Variants in CASD1 observed in about 807,000 individuals in gnomAD.
The protein encoded by CASD1 is N-acetylneuraminate (7)9-O-acetyltransferase.
CASD1 carries 41 observed loss-of-function variants against 100.0 expected under a neutral mutation model. That is an observed-to-expected ratio of 0.41 (90% CI 0.32 to 0.53). The LOEUF (loss-of-function observed/expected upper bound fraction) is 0.53, where lower values mean the gene tolerates loss of function less well. CASD1 is among the 20% of genes least tolerant of loss of function. The pLI, the probability that CASD1 is intolerant of heterozygous loss-of-function variation, is 0.25. For missense variants in CASD1, 774 were observed against 948.7 expected (o/e 0.82, Z 2.42); for synonymous variants, 321 against 315.6 (o/e 1.02, Z -0.18).
At chr7:94,598,742 T>C in the CASD1 span, 15 of 1,363,776 alleles carry the variant, frequency 1.1e-5, no homozygotes, top group African/African-American at 2.0e-4. Flanking sequence ...TATACATGCA[T>C]ATTAATAATT....
chr7:94,575,469 T>G, the CASD1 span, among the ~76,000 whole-genome samples: 1 of 152,216 alleles, frequency 6.6e-6, no homozygotes, highest in Non-Finnish European at 1.5e-5. Context: ...TGTTCAATTA[T>G]ATGGTCAATT....
At chr7:94,543,295 T>A (rs1012539618) in intron 10 of CASD1, among the ~76,000 whole-genome samples, 1 of 152,160 alleles carries the variant, frequency 6.6e-6, no homozygotes, top group Non-Finnish European at 1.5e-5. Flanking sequence ...TCAGGACTTA[T>A]AAAATCTATT....
chr7:94,598,706 C>G, the CASD1 span: 1 of 1,073,094 alleles, frequency 9.3e-7, no homozygotes, highest in Non-Finnish European at 1.5e-6. Context: ...ACAGAAAGCT[C>G]TGTTCTTTAC....
At chr7:94,511,052 CAGT>C (rs1793682254) in intron 1 of CASD1, among the ~76,000 whole-genome samples, 1 of 152,200 alleles carries the variant, frequency 6.6e-6, no homozygotes, top group Non-Finnish European at 1.5e-5. Context: ...AATTATCTTT[CAGT>C]AATCAAGGGA....
chr7:94,623,002 G>A, the CASD1 span, among the ~76,000 whole-genome samples: 5 of 152,088 alleles, frequency 3.3e-5, no homozygotes, highest in Non-Finnish European at 5.9e-5. Context: ...GGAGTGCAGT[G>A]CTCCAGCCTT....
chr7:94,599,941 T>G, the CASD1 span: 3 of 408,730 alleles, frequency 7.3e-6, no homozygotes, highest in Non-Finnish European at 1.3e-5. Flanking sequence ...ATGAAAAAAA[T>G]GGAGATTAAG....
At chr7:94,522,039 G>A (rs1794307829) in intron 3 of CASD1, among the ~76,000 whole-genome samples, 1 of 152,122 alleles carries the variant, frequency 6.6e-6, no homozygotes, top group Non-Finnish European at 1.5e-5. Flanking sequence ...AGCCGAAATT[G>A]CGCCACTGCA....
chr7:94,530,790 G>A (rs1049968197), intron 5 of CASD1, among the ~76,000 whole-genome samples: 4 of 152,124 alleles, frequency 2.6e-5, no homozygotes, highest in African/African-American at 7.2e-5. Flanking sequence ...AAAGAGGAGA[G>A]AGGGCTTATG....
At chr7:94,541,841 CT>C (rs935141594) in intron 10 of CASD1, among the ~76,000 whole-genome samples, 3 of 151,752 alleles carry the variant, frequency 2.0e-5, no homozygotes, top group African/African-American at 7.3e-5. Context: ...AGAAACCATC[CT>C]TTTTTCCTAA....
intron 14 of CASD1, 116 bp downstream of exon 14, chr7:94,549,750 A>C (rs1315959260): frequency 1.1e-5 from 8 of 749,420 alleles, no homozygotes; most frequent in African/African-American, 3.6e-5. Flanking sequence ...TGATTTAGTA[A>C]ATCAAAGCAG....
chr7:94,626,148 T>C, the CASD1 span: 5 of 152,130 alleles, frequency 3.3e-5, no homozygotes, highest in Admixed American at 2.6e-4. Flanking sequence ...CTTATTAAAT[T>C]GCAGGATTTC....
chr7:94,516,404 T>C (rs1793979750), intron 1 of CASD1, among the ~76,000 whole-genome samples: 1 of 152,166 alleles, frequency 6.6e-6, no homozygotes, highest in Non-Finnish European at 1.5e-5. Flanking sequence ...AAAAGAGATG[T>C]GTTCTTCTCC....
rs994296685 is a variant in CASD1 at position 94,547,258 on chromosome 7, G to A, written c.1713+83G>A. On this transcript the variant is annotated intron_variant, in intron 13 of 17. Coordinates refer to ENST00000297273, the MANE Select transcript of CASD1 (RefSeq NM_022900.5). ...ATTAAAGCATGTGAGAAGAGTCAGAGCTTTTTTTTAGCTTCATTTTTTAAT... is the reference window on the plus strand; with the variant it reads ...ATTAAAGCATGTGAGAAGAGTCAGAACTTTTTTTTAGCTTCATTTTTTAAT... 1.5e-5 allele frequency: 15 copies of A among 995,866 alleles called. No individual in the cohort carries two copies. In the Admixed American group the frequency reaches 1.6e-4, roughly 10 times the overall value. 61.7% of individuals were successfully genotyped at this position (995,866 alleles called of 1,614,324 possible).
chr7:94,566,969 G>C, the CASD1 span, among the ~76,000 whole-genome samples: 1 of 152,010 alleles, frequency 6.6e-6, no homozygotes, highest in Non-Finnish European at 1.5e-5. Flanking sequence ...CCTAACCCTG[G>C]TGGATCCTCT....
At chr7:94,533,301 C>T (rs759503216) in intron 6 of CASD1, 52 bp downstream of exon 6, 1 of 1,474,190 alleles carries the variant, frequency 6.8e-7, no homozygotes, top group Non-Finnish European at 9.4e-7. Flanking sequence ...CGTTTAAGAA[C>T]ATGCTAAGAA....
the CASD1 span, among the ~76,000 whole-genome samples, chr7:94,577,783 C>T: frequency 6.6e-6 from 1 of 152,088 alleles, no homozygotes; most frequent in Non-Finnish European, 1.5e-5. Context: ...CAAAAATACC[C>T]CAGGGAAAAT....
chr7:94,605,744 G>C, the CASD1 span, among the ~76,000 whole-genome samples: 2 of 151,986 alleles, frequency 1.3e-5, no homozygotes, highest in African/African-American at 2.4e-5. Flanking sequence ...TAAAAAGTGG[G>C]AAAAGAGTGG....
the CASD1 span, among the ~76,000 whole-genome samples, chr7:94,614,690 G>A: frequency 2.0e-5 from 3 of 152,124 alleles, no homozygotes; most frequent in Non-Finnish European, 2.9e-5. Context: ...AATGTAGTGA[G>A]AGAGGAGCCC....
Position 94,537,498 on chromosome 7 carries a change from T to C in CASD1, c.870T>C (p.Tyr290=). The stretch of plus-strand genomic sequence containing the variant: ...CTGCAATGATTCTTATGAATGTGTA[T>C]TGCAATAAGATTTTGAAGCCTGTAG... The part of the protein sequence containing the change: ...ETTAMILMNV[Y]CNKILKPVDG... Residue 290 remains tyrosine (Y), a synonymous_variant, in exon 9 of 18, where the codon TAT becomes TAC. Transcript: ENST00000297273. The C allele has an allele frequency of 4.3e-6, 7 of 1,610,500 alleles. No individual in the cohort carries two copies. The highest frequency in any genetic ancestry group is 5.1e-6 in the Non-Finnish European group (6 of 1,178,788).
Sources: gnomAD v4.1 joint callset for allele counts (sites outside exome capture counted in the v4.1 genomes callset) on GRCh38, gnomAD v4.1.1 for gene constraint, MANE v1.5 for transcripts, NCBI Gene and HGNC (gene_info 2026-07-23, HGNC 2026-07-21) for gene names.